The following FRS3 variants were observed in gnomAD, a reference collection of about 807,000 sequenced individuals.
FRS3 encodes the protein fibroblast growth factor receptor substrate 3.
Under a neutral mutation model 41.9 loss-of-function variants are expected in FRS3, and 17 were observed. That is an observed-to-expected ratio of 0.41 (90% CI 0.28 to 0.61). The LOEUF is 0.61. Ranked by LOEUF, FRS3 falls within the 20% of genes least tolerant of loss-of-function variation. The pLI is 0.36. For synonymous variants in FRS3, 287 were observed against 274.5 expected (o/e 1.05, Z -0.45); for missense variants, 619 against 672.1 (o/e 0.92, Z 0.87).
intron 4 of FRS3, among the ~76,000 whole-genome samples, chr6:41,774,472 C>G (rs578080104): frequency 6.6e-6 from 1 of 152,122 alleles, no homozygotes; most frequent in South Asian, 2.1e-4. Context: ...AACTCTGGCA[C>G]GGGAAGGAAG....
chr6:41,772,689 C>T, intron 5 of FRS3, 109 bp downstream of exon 5: 1 of 1,294,400 alleles, frequency 7.7e-7, no homozygotes, highest in Non-Finnish European at 1.1e-6. Context: ...GTTGGCTCAC[C>T]CAGCCTTCTC....
rs150824390 is a variant in FRS3 at position 41,771,824 on chromosome 6, C to G, written c.556G>C (p.Asp186His). ...EESTHALIAP[D>H]EQSHTYVNTP... ...GCCGGCTGCGTGCTCACCTGCTCAT[C>G]AGGAGCAATGAGGGCATGGGTGGAC... The change falls in exon 6 of 7, where the codon GAT (aspartate) becomes CAT (histidine). Residue 186 changes from aspartate to histidine, a missense_variant. Transcript: ENST00000373018. The G allele has an allele frequency of 1.3e-4, 196 of 1,551,882 alleles. 1 individual carries two copies. Among genetic ancestry groups the G allele is most frequent in the Middle Eastern group, 5.0e-4 (3 of 5,990 alleles).
intron 6 of FRS3, 128 bp from the exon 7 acceptor site, chr6:41,771,661 C>T (rs1772297515): frequency 2.6e-6 from 3 of 1,146,830 alleles, no homozygotes; most frequent in South Asian, 3.0e-5. Context: ...GTCCTCCAAC[C>T]CTTCTGAGGA....
At chr6:41,773,764 C>T (rs1249598802) in intron 4 of FRS3, among the ~76,000 whole-genome samples, 1 of 151,406 alleles carries the variant, frequency 6.6e-6, no homozygotes, top group Non-Finnish European at 1.5e-5. Context: ...CCCAACTACT[C>T]AGGAGGCTGA....
chr6:41,777,856 T>C (rs922599234), intron 2 of FRS3, 177 bp downstream of exon 2: 1 of 152,244 alleles, frequency 6.6e-6, no homozygotes, highest in African/African-American at 2.4e-5. Context: ...CATGGACCAA[T>C]ACCAAGCAGA....
chr6:41,776,056 T>G (rs1439849755), intron 3 of FRS3, among the ~76,000 whole-genome samples: 1 of 152,148 alleles, frequency 6.6e-6, no homozygotes, highest in Non-Finnish European at 1.5e-5. Context: ...CCTCCCCAAC[T>G]GTGTGCCCTT....
chr6:41,773,044 C>T, intron 4 of FRS3, 85 bp from the exon 5 acceptor site: 1 of 1,107,388 alleles, frequency 9.0e-7, no homozygotes, highest in South Asian at 1.3e-5. Flanking sequence ...AGGAAATGTC[C>T]CTCAACTCCA....
chr6:41,777,015 G>T lies in FRS3; in HGVS notation c.-23-5C>A, dbSNP rs1772426409. ...TGTCAGAGCAGCCAGCCTGCCCTAG[G>T]AAAAACATACAGGATATGCAGGTCA... On this transcript the variant is annotated splice_polypyrimidine_tract_variant and splice_region_variant and intron_variant, in intron 2 of 6. Transcript: ENST00000373018. The T allele has an allele frequency of 1.2e-6, 2 of 1,609,952 alleles. No homozygotes were observed. Among genetic ancestry groups the T allele is most frequent in the East Asian group, 4.5e-5 (2 of 44,860 alleles).
In FRS3 at chr6:41,771,802, G is replaced by T; in HGVS notation, c.564+14C>A. 1.3e-6 allele frequency: 2 copies of T among 1,549,530 alleles called. No homozygotes were observed. The highest frequency in any genetic ancestry group is 2.4e-5 in the East Asian group (1 of 41,036). ...CAGACCAACAGGGCAGGGGCTGGCC[G>T]GCTGCGTGCTCACCTGCTCATCAGG... On this transcript the variant is annotated intron_variant, in intron 6 of 6. Coordinates refer to ENST00000373018, the MANE Select transcript of FRS3 (RefSeq NM_006653.5).
At chr6:41,778,277 T>A (rs146229648) in intron 1 of FRS3, 101 bp from the exon 2 acceptor site, 1 of 152,344 alleles carries the variant, frequency 6.6e-6, no homozygotes, top group Non-Finnish European at 1.5e-5. Context: ...TGGGTATCTG[T>A]TCCAGCCCTA....
chr6:41,771,451 T>C lies in FRS3; in HGVS notation c.647A>G (p.Gln216Arg). 3 of 1,608,408 alleles carry C rather than the reference T, an allele frequency of 1.9e-6. No homozygotes were observed. The highest frequency in any genetic ancestry group is 2.5e-6 in the Non-Finnish European group (3 of 1,176,942). Residue 216 changes from glutamine to arginine, a missense_variant, in exon 7 of 7, where the codon CAG becomes CGG. Transcript: ENST00000373018. The part of the protein sequence containing the change: ...RHCLQPLPEG[Q>R]APFLPQARGP... ...CCGGGCCTGCGGGAGGAAGGGTGCC[T>C]GACCCTCAGGCAGGGGCTGCAGGCA...
rs781751933 is a variant in FRS3 at position 41,772,748 on chromosome 6, G to A, written c.415+50C>T. 13 of 940,184 alleles carry A rather than the reference G, an allele frequency of 1.4e-5. No individual in the cohort carries two copies. In the African/African-American group the frequency reaches 1.6e-4, roughly 11 times the overall value. 58.2% of individuals were successfully genotyped at this position (940,184 alleles called of 1,614,324 possible). On this transcript the variant is annotated intron_variant, in intron 5 of 6. Transcript: ENST00000373018. ...CCTCAGATTTGTGCTTCCTGGGCGTGTGTGTGTGTGTGTGTGTGTGTGTGT... is the reference window on the plus strand; with the variant it reads ...CCTCAGATTTGTGCTTCCTGGGCGTATGTGTGTGTGTGTGTGTGTGTGTGT...
intron 5 of FRS3, 56 bp from the exon 6 acceptor site, chr6:41,772,020 C>T: frequency 2.8e-6 from 4 of 1,421,348 alleles, no homozygotes; most frequent in Non-Finnish European, 3.8e-6. Context: ...CTGACAACCA[C>T]TTGCAGCTGT....
chr6:41,773,853 CA>C (rs1264717428), intron 4 of FRS3, among the ~76,000 whole-genome samples: 2 of 149,998 alleles, frequency 1.3e-5, no homozygotes, highest in Non-Finnish European at 3.0e-5. Flanking sequence ...GCCTGGGTGA[CA>C]GAGCGAGACT....
chr6:41,778,882 G>C (rs1372348620), intron 1 of FRS3, among the ~76,000 whole-genome samples: 1 of 152,130 alleles, frequency 6.6e-6, no homozygotes, highest in Non-Finnish European at 1.5e-5. Flanking sequence ...CTGAGCCCAA[G>C]GTAGACAAGT....
At position 41,776,952 on chromosome 6, in the gene FRS3, G is replaced by C. The variant is rs752645298; in HGVS notation, c.36C>G (p.Ser12Arg). ...ACTTGGTGGGGTGGTTGTCTGGAAC[G>C]CTGTCTCTGTTCAGGCAGCTGCAGC... is the stretch of plus-strand genomic sequence containing the variant. ...GSCCSCLNRD[S>R]VPDNHPTKFK... Residue 12 changes from serine to arginine, a missense_variant, in exon 3 of 7, where the codon AGC becomes AGG. Around this residue, in one of 3 missense-constraint regions of FRS3, gnomAD observed 100 missense variants for 138.1 expected, o/e 0.72. Transcript: ENST00000373018. The C allele has an allele frequency of 4.3e-6, 7 of 1,613,972 alleles. No homozygotes were observed. The highest frequency in any genetic ancestry group is 1.6e-4 in the Middle Eastern group (1 of 6,082).
Position 41,774,661 on chromosome 6 carries a change from A to C in FRS3, c.253+758T>G, listed in dbSNP as rs529430356. 2.0e-5 allele frequency among the ~76,000 whole-genome samples: 3 copies of C among 152,334 alleles called. No individual in the cohort carries two copies. The East Asian group carries it at 5.8e-4, about 29-fold the overall frequency. On this transcript the variant is annotated intron_variant, in intron 4 of 6. Transcript: ENST00000373018. The stretch of plus-strand genomic sequence containing the variant: ...AAAGATGCCCTTGGGGTACTGGGCC[A>C]GCATGGACTCCTCTGTAACAGGGGG...
intron 3 of FRS3, chr6:41,776,303 C>CTGT (rs1772409824): frequency 1.3e-5 from 2 of 152,358 alleles, no homozygotes; most frequent in East Asian, 3.8e-4. Context: ...GCTCTGTCAC[C>CTGT]CAGGCTGAAG....
intron 6 of FRS3, 118 bp from the exon 7 acceptor site, chr6:41,771,651 G>T: frequency 1.7e-6 from 2 of 1,156,344 alleles, no homozygotes; most frequent in Non-Finnish European, 1.2e-6. Flanking sequence ...CTTCTTCCTT[G>T]TCCTCCAACC....
Sources: gnomAD v4.1 joint callset for allele counts (sites outside exome capture counted in the v4.1 genomes callset) on GRCh38, gnomAD v4.1.1 for gene constraint, gnomAD v4.1.1 regional missense constraint, MANE v1.5 for transcripts, NCBI Gene and HGNC (gene_info 2026-07-23, HGNC 2026-07-21) for gene names.